CUBN: variants seen among roughly 807,000 people sequenced by gnomAD.
CUBN encodes the protein 460 kDa receptor.
Under a neutral mutation model 405.3 loss-of-function variants are expected in CUBN, and 282 were observed. The ratio of observed to expected loss-of-function variants is 0.70; its 90% CI spans 0.63 to 0.77. The LOEUF is 0.77. Among genes scored for constraint, CUBN ranks in the 30% least tolerant of loss-of-function variants. CUBN has a pLI of 0.00. For synonymous variants in CUBN, 1,684 were observed against 1,617.0 expected, an observed-to-expected ratio of 1.04 and a Z score of -0.99; for missense variants, 4,514 against 4,475.2, an observed-to-expected ratio of 1.01 and a Z score of -0.25.
chr10:17,078,413 T>C (rs1835896541), intron 17 of CUBN, among the ~76,000 whole-genome samples: 1 of 152,204 alleles, frequency 6.6e-6, no homozygotes, highest in Non-Finnish European at 1.5e-5. Flanking sequence ...CTGCAGATCC[T>C]ACATACAGGG....
chr10:16,873,026 T>C (rs1840404282), intron 58 of CUBN, among the ~76,000 whole-genome samples: 1 of 152,166 alleles, frequency 6.6e-6, no homozygotes, highest in South Asian at 2.1e-4. Flanking sequence ...AGCCAACTGA[T>C]ACATGAGGCC....
intron 32 of CUBN, among the ~76,000 whole-genome samples, chr10:16,952,913 G>C (rs1412531505): frequency 2.0e-5 from 3 of 152,140 alleles, no homozygotes; most frequent in Non-Finnish European, 4.4e-5. Flanking sequence ...GGACTTGGAG[G>C]GTGAGAAAAG....
chr10:17,115,462 G>A lies in CUBN; in HGVS notation c.720+9C>T, dbSNP rs1187997641. 1 of 1,613,546 alleles carries A rather than the reference G, an allele frequency of 6.2e-7. No homozygotes were observed. The highest frequency in any genetic ancestry group is 8.5e-7 in the Non-Finnish European group (1 of 1,179,890). ...TCTGCAAGGAGGCACATTTGGGGAA[G>A]GGACCCACCTCTCCAGCTTGCTCTC... On this transcript the variant is annotated intron_variant, in intron 7 of 66. Coordinates refer to ENST00000377833, the MANE Select transcript of CUBN (RefSeq NM_001081.4).
chr10:17,048,684 T>A (rs1346024037), intron 22 of CUBN, among the ~76,000 whole-genome samples: 1 of 152,156 alleles, frequency 6.6e-6, no homozygotes, highest in Non-Finnish European at 1.5e-5. Context: ...CATCCAGCCA[T>A]AACCTAAATC....
intron 54 of CUBN, among the ~76,000 whole-genome samples, chr10:16,892,714 A>G (rs1159972066): frequency 6.6e-6 from 1 of 151,934 alleles, no homozygotes; most frequent in Non-Finnish European, 1.5e-5. Flanking sequence ...GCCTGGTCTC[A>G]AACTCCTGGA....
chr10:17,032,323 AAGC>A (rs1198849416), intron 27 of CUBN, among the ~76,000 whole-genome samples: 1 of 152,162 alleles, frequency 6.6e-6, no homozygotes, highest in Non-Finnish European at 1.5e-5. Flanking sequence ...GAGAGAACCA[AAGC>A]AGCCAGACGT....
intron 58 of CUBN, among the ~76,000 whole-genome samples, chr10:16,873,321 T>C (rs1056115108): frequency 1.3e-5 from 2 of 152,098 alleles, no homozygotes; most frequent in Non-Finnish European, 2.9e-5. Flanking sequence ...TGGGAATAGG[T>C]AAGACTGGGA....
intron 10 of CUBN, among the ~76,000 whole-genome samples, chr10:17,106,589 C>T (rs1326565420): frequency 4.0e-5 from 5 of 125,674 alleles, no homozygotes; most frequent in Admixed American, 1.6e-4. Context: ...CAGAGCAAAA[C>T]GCCATCTCAA....
rs1043819707 is a variant in CUBN, at chr10:17,111,123, C to T, written c.884-73G>A. ...CAAGGAAGAAATACAAGAGTCAAAA[C>T]ATATAAAAACCTTCTCCACCTAAGG... On this transcript the variant is annotated intron_variant, in intron 8 of 66. Coordinates refer to ENST00000377833, the MANE Select transcript of CUBN (RefSeq NM_001081.4). 6.6e-6 allele frequency: 10 copies of T among 1,522,578 alleles called. No individual in the cohort carries two copies. The African/African-American group carries it at 1.2e-4, about 19-fold the overall frequency. The allele number at this position is 1,522,578 out of a possible 1,614,324, so 94.3% of individuals were successfully genotyped here.
chr10:17,127,088 A>G (rs1837210094), intron 3 of CUBN, among the ~76,000 whole-genome samples: 1 of 152,000 alleles, frequency 6.6e-6, no homozygotes, highest in Non-Finnish European at 1.5e-5. Context: ...AAATGTTCAT[A>G]AATGTCAGTG....
At position 17,032,410 on chromosome 10, in the gene CUBN, C is replaced by T. The variant is rs1227107013; in HGVS notation, c.4017+8623G>A. Among the ~76,000 whole-genome samples, 7 of 152,144 alleles carry T rather than the reference C, an allele frequency of 4.6e-5. No individual in the cohort carries two copies. The East Asian group carries it at 9.7e-4, about 21-fold the overall frequency. On this transcript the variant is annotated intron_variant, in intron 27 of 66. Coordinates refer to ENST00000377833, the MANE Select transcript of CUBN (RefSeq NM_001081.4). ...TGGACTCCAGAGCCCACACTGTATTCGTGCAGCACTGAGTGTGAACGTAGT... is the reference window on the plus strand; with the variant it reads ...TGGACTCCAGAGCCCACACTGTATTTGTGCAGCACTGAGTGTGAACGTAGT...
Position 16,836,363 on chromosome 10 carries a change from A to T in CUBN, c.10052T>A (p.Phe3351Tyr). ...CGAAGCATTTCTGCCACAGAACTGAAATCTTGAATTTCCGTGACCCTGAAA... is the reference window on the plus strand; with the variant it reads ...CGAAGCATTTCTGCCACAGAACTGATATCTTGAATTTCCGTGACCCTGAAA... ...DSPQGHGNSR[F>Y]QFCGRNASAV... Residue 3351 changes from phenylalanine (F) to tyrosine (Y), a missense_variant, in exon 63 of 67, where the codon TTT (phenylalanine) becomes TAT (tyrosine). By Grantham distance (22) the Phe-to-Tyr change is conservative. Around this residue, in one of 5 missense-constraint regions of CUBN, gnomAD observed 1,186 missense variants for 1,186.9 expected, o/e 1.00. Coordinates refer to ENST00000377833, the MANE Select transcript of CUBN (RefSeq NM_001081.4). 6.2e-7 allele frequency: 1 copy of T among 1,614,164 alleles called. No individual in the cohort carries two copies. Among genetic ancestry groups the T allele is most frequent in the South Asian group, 1.1e-5 (1 of 91,084 alleles).
At chr10:16,844,269 CCAAA>C (rs1564381602) in intron 60 of CUBN, among the ~76,000 whole-genome samples, 3 of 132,296 alleles carry the variant, frequency 2.3e-5, no homozygotes, top group Admixed American at 7.3e-5. Context: ...AACTCTGTCC[CCAAA>C]AAAAAAAAAA....
At chr10:16,857,171 A>T (rs571283310) in intron 59 of CUBN, among the ~76,000 whole-genome samples, 1 of 152,206 alleles carries the variant, frequency 6.6e-6, no homozygotes, top group African/African-American at 2.4e-5. Flanking sequence ...ACAAGAAAAA[A>T]GTTAGTAGTT....
chr10:17,006,578 G>A (rs1038577952), intron 28 of CUBN, among the ~76,000 whole-genome samples: 16 of 152,144 alleles, frequency 1.1e-4, no homozygotes, highest in Non-Finnish European at 1.5e-4. Flanking sequence ...AAGACCACTC[G>A]AGAGAAAGAG....
Position 16,916,043 on chromosome 10 carries a change from AAAAT to A in CUBN, c.7001-17_7001-14del, listed in dbSNP as rs780281988. 1.2e-6 allele frequency: 2 copies of A among 1,607,594 alleles called. No homozygotes were observed. The highest frequency in any genetic ancestry group is 8.5e-7 in the Non-Finnish European group (1 of 1,175,706). ...CCCCCACACTGAGCTGCAAAAAATAAAAATAAATAAATAAATAAGAAAGCAAGCA... is the reference window on the plus strand; with the variant it reads ...CCCCCACACTGAGCTGCAAAAAATAAAAATAAATAAATAAGAAAGCAAGCA... On this transcript the variant is annotated splice_polypyrimidine_tract_variant and intron_variant, in intron 45 of 66. Coordinates refer to ENST00000377833, the MANE Select transcript of CUBN (RefSeq NM_001081.4).
At chr10:16,901,483 T>C (rs1395648051) in intron 51 of CUBN, 24 bp from the exon 52 acceptor site, 1 of 1,613,636 alleles carries the variant, frequency 6.2e-7, no homozygotes, top group South Asian at 1.1e-5. Flanking sequence ...GGTAACCCTC[T>C]CAATAAAACA....
At chr10:16,977,827 G>A (rs185114496) in intron 31 of CUBN, among the ~76,000 whole-genome samples, 1 of 152,270 alleles carries the variant, frequency 6.6e-6, no homozygotes, top group Non-Finnish European at 1.5e-5. Context: ...ATGTTTCCCT[G>A]CCCATAAGGG....
rs1479880688 is a variant in CUBN at position 17,019,945 on chromosome 10, T to G, written c.4056A>C (p.Gly1352=). The G allele has an allele frequency of 6.2e-7, 1 of 1,614,130 alleles. No individual in the cohort carries two copies. ...TACTCCCTGGAGGGGGCAGGTCTACTCCACAGTAGCGTCCCATCTGCCGTG... is the reference window on the plus strand; with the variant it reads ...TACTCCCTGGAGGGGGCAGGTCTACGCCACAGTAGCGTCCCATCTGCCGTG... ...DGPRQMGRYC[G]VDLPPPGSTT... Residue 1352 remains glycine, a synonymous_variant, in exon 28 of 67, where the codon GGA becomes GGC. Coordinates refer to ENST00000377833, the MANE Select transcript of CUBN (RefSeq NM_001081.4).
Sources: allele counts gnomAD v4.1 joint callset (sites outside exome capture counted in the v4.1 genomes callset), GRCh38; gene constraint gnomAD v4.1.1; regional missense constraint gnomAD v4.1.1; transcripts MANE v1.5; gene names NCBI Gene and HGNC (gene_info 2026-07-23, HGNC 2026-07-21).